ARHGAP18: variants seen among roughly 807,000 people sequenced by gnomAD.
The protein encoded by ARHGAP18 is rho GTPase-activating protein 18.
ARHGAP18 carries 67 observed loss-of-function variants against 86.2 expected under a neutral mutation model. The observed-to-expected ratio is 0.78, with a 90% CI of 0.64 to 0.95. The LOEUF is 0.95. Ranked by LOEUF, ARHGAP18 falls within the 40% of genes least tolerant of loss-of-function variation. ARHGAP18 has a pLI of 0.00. For missense variants in ARHGAP18, 691 were observed against 780.4 expected, an observed-to-expected ratio of 0.89 and a Z score of 1.37; for synonymous variants, 283 against 280.4, an observed-to-expected ratio of 1.01 and a Z score of -0.09.
intron 5 of ARHGAP18, among the ~76,000 whole-genome samples, chr6:129,625,428 TATATATA>T (rs1789380310): frequency 2.5e-5 from 1 of 39,462 alleles, no homozygotes; most frequent in African/African-American, 1.2e-4. Context: ...TAATATATAT[TATATATA>T]ATATATATTT....
At chr6:129,581,660 C>A (rs7771748) in intron 13 of ARHGAP18, among the ~76,000 whole-genome samples, 1 of 152,090 alleles carries the variant, frequency 6.6e-6, no homozygotes, top group Non-Finnish European at 1.5e-5. Flanking sequence ...TTAAAGGCAA[C>A]AATCCTTTAC....
At chr6:129,650,631 T>A (rs868448086) in intron 1 of ARHGAP18, among the ~76,000 whole-genome samples, 22 of 152,300 alleles carry the variant, frequency 1.4e-4, no homozygotes, top group Middle Eastern at 3.4e-3. Context: ...GACTTTGACA[T>A]AAAAATCTCA....
chr6:129,698,686 G>A (rs979738625), intron 1 of ARHGAP18, among the ~76,000 whole-genome samples: 7 of 125,030 alleles, frequency 5.6e-5, no homozygotes, highest in Non-Finnish European at 8.2e-5. Flanking sequence ...GTACCACCAC[G>A]CCCAGTTTTT....
chr6:129,626,672 TACAC>T (rs66753341), intron 5 of ARHGAP18, among the ~76,000 whole-genome samples: 27,772 of 147,018 alleles, frequency 0.19, 3,046 homozygotes, highest in African/African-American at 0.31. Context: ...CACACACACA[TACAC>T]ACACACACAC....
intron 1 of ARHGAP18, among the ~76,000 whole-genome samples, chr6:129,663,546 A>T (rs574188187): frequency 6.6e-6 from 1 of 152,314 alleles, no homozygotes; most frequent in African/African-American, 2.4e-5. Context: ...CAGGTAGTTA[A>T]TAGCTGCACC....
chr6:129,598,184 C>G (rs770311989), intron 12 of ARHGAP18, among the ~76,000 whole-genome samples: 1 of 151,910 alleles, frequency 6.6e-6, no homozygotes. Context: ...TTTCTAAAAG[C>G]CTTTAGGATA....
At chr6:129,594,620 G>A (rs1190403427) in intron 12 of ARHGAP18, among the ~76,000 whole-genome samples, 10 of 152,050 alleles carry the variant, frequency 6.6e-5, no homozygotes, top group East Asian at 1.9e-4. Context: ...ACACAGGCAC[G>A]TTAACCCAAA....
intron 1 of ARHGAP18, among the ~76,000 whole-genome samples, chr6:129,693,329 G>C (rs927335015): frequency 1.3e-5 from 2 of 152,196 alleles, no homozygotes; most frequent in African/African-American, 4.8e-5. Flanking sequence ...ATTAATGCCA[G>C]CAGTGATGGT....
chr6:129,597,796 AG>A, intron 12 of ARHGAP18, among the ~76,000 whole-genome samples: 1 of 152,332 alleles, frequency 6.6e-6, no homozygotes, highest in Admixed American at 6.5e-5. Flanking sequence ...TTAAATCCCA[AG>A]CTTTAAAATG....
intron 1 of ARHGAP18, among the ~76,000 whole-genome samples, chr6:129,665,285 C>T (rs1774015880): frequency 6.6e-6 from 1 of 152,218 alleles, no homozygotes; most frequent in Non-Finnish European, 1.5e-5. Context: ...TGGCTCACGC[C>T]TGTAATCCCA....
intron 10 of ARHGAP18, among the ~76,000 whole-genome samples, chr6:129,605,583 GA>G (rs902390439): frequency 3.3e-5 from 5 of 150,736 alleles, no homozygotes; most frequent in East Asian, 1.9e-4. Flanking sequence ...ATAAGAAGGA[GA>G]AAAAAAACAA....
intron 1 of ARHGAP18, among the ~76,000 whole-genome samples, chr6:129,658,956 G>A (rs992073607): frequency 6.6e-5 from 10 of 152,030 alleles, no homozygotes; most frequent in Admixed American, 1.3e-4. Flanking sequence ...TAAAAGGTGA[G>A]GACGAAAGTT....
intron 1 of ARHGAP18, among the ~76,000 whole-genome samples, chr6:129,671,028 G>A (rs2114527915): frequency 6.6e-6 from 1 of 152,262 alleles, no homozygotes; most frequent in East Asian, 1.9e-4. Flanking sequence ...GATGTCAGGA[G>A]TTAGAAGCCA....
intron 12 of ARHGAP18, among the ~76,000 whole-genome samples, chr6:129,596,339 G>C (rs973949766): frequency 6.6e-6 from 1 of 151,948 alleles, no homozygotes; most frequent in Non-Finnish European, 1.5e-5. Context: ...CTTTCTGCCT[G>C]GACTGAGTTT....
chr6:129,696,183 T>C (rs186576025), intron 1 of ARHGAP18, among the ~76,000 whole-genome samples: 18 of 152,334 alleles, frequency 1.2e-4, no homozygotes, highest in African/African-American at 4.1e-4. Flanking sequence ...AATAGTACTC[T>C]AAAATACTGC....
Position 129,578,541 on chromosome 6 carries a change from T to G in ARHGAP18, c.1964A>C (p.Glu655Ala). 1 of 1,612,444 alleles carries G rather than the reference T, an allele frequency of 6.2e-7. No individual in the cohort carries two copies. Among genetic ancestry groups the G allele is most frequent in the East Asian group, 2.2e-5 (1 of 44,784 alleles). Residue 655 changes from glutamate (E) to alanine (A), a missense_variant, in exon 15 of 15, where the codon GAG becomes GCG. Transcript: ENST00000368149. ...CAATGGCTTTGACTTTATAACCCACTCAGCATTTGGGTTAAGCTGATATAA... is the reference window on the plus strand; with the variant it reads ...CAATGGCTTTGACTTTATAACCCACGCAGCATTTGGGTTAAGCTGATATAA... The part of the protein sequence containing the change: ...KDLYQLNPNA[E>A]WVIKSKPL
At chr6:129,668,621 G>C (rs1338091247) in intron 1 of ARHGAP18, among the ~76,000 whole-genome samples, 1 of 151,980 alleles carries the variant, frequency 6.6e-6, no homozygotes, top group African/African-American at 2.4e-5. Flanking sequence ...CCCCACTATG[G>C]CCAAACAGTA....
intron 5 of ARHGAP18, among the ~76,000 whole-genome samples, chr6:129,619,118 A>G (rs60361374): frequency 0.29 from 42,026 of 146,898 alleles, 6,945 homozygotes; most frequent in Non-Finnish European, 0.36. Context: ...GGCTCAGAGG[A>G]CAAGAGAGAC....
chr6:129,584,162 G>T, intron 12 of ARHGAP18, 50 bp from the exon 13 acceptor site: 1 of 1,609,448 alleles, frequency 6.2e-7, no homozygotes, highest in Admixed American at 1.7e-5. Context: ...GCTGGAACGT[G>T]TAACTCTACA....
Sources: gnomAD v4.1 joint callset for allele counts (sites outside exome capture counted in the v4.1 genomes callset) on GRCh38, gnomAD v4.1.1 for gene constraint, MANE v1.5 for transcripts, NCBI Gene and HGNC (gene_info 2026-07-23, HGNC 2026-07-21) for gene names.